Variants in EGFR observed in about 807,000 individuals in gnomAD.
EGFR encodes the protein avian erythroblastic leukemia viral (v-erb-b) oncogene homolog.
In EGFR, 58 loss-of-function variants were observed where a neutral mutation model predicts 143.0. The ratio of observed to expected loss-of-function variants is 0.41; its 90% CI spans 0.33 to 0.50. EGFR has a LOEUF of 0.50. Among genes scored for constraint, EGFR ranks in the 20% least tolerant of loss-of-function variants. The pLI is 0.39. For missense variants in EGFR, 1,307 were observed against 1,579.0 expected (o/e 0.83, Z 2.92); for synonymous variants, 613 against 594.4 (o/e 1.03, Z -0.45).
chr7:55,085,919 T>A (rs764265605), intron 1 of EGFR, among the ~76,000 whole-genome samples: 2 of 152,202 alleles, frequency 1.3e-5, no homozygotes, highest in Non-Finnish European at 2.9e-5. Flanking sequence ...CTCCTGAGCA[T>A]GCTGCCCCAA....
At position 55,067,999 on chromosome 7, in the gene EGFR, T is replaced by A. The variant is rs1323133639; in HGVS notation, c.88+48634T>A. On this transcript the variant is annotated intron_variant, in intron 1 of 27. Coordinates refer to ENST00000275493, the MANE Select transcript of EGFR (RefSeq NM_005228.5). ...GTGTGTGTGCATGTGTGTATATGTG[T>A]GTCTGTGGGCACAGGTGTGCCTGTG... 3.3e-5 allele frequency among the ~76,000 whole-genome samples: 5 copies of A among 150,962 alleles called. 1 individual carries two copies. The highest frequency in any genetic ancestry group is 1.2e-4 in the African/African-American group (5 of 40,404).
chr7:55,071,595 C>G (rs1259713129), intron 1 of EGFR, among the ~76,000 whole-genome samples: 1 of 152,262 alleles, frequency 6.6e-6, no homozygotes, highest in South Asian at 2.1e-4. Flanking sequence ...TCATCCCTTT[C>G]AGAGCATGGG....
intron 1 of EGFR, among the ~76,000 whole-genome samples, chr7:55,116,553 A>G (rs765782530): frequency 3.3e-4 from 50 of 152,070 alleles, no homozygotes; most frequent in Non-Finnish European, 6.2e-4. Flanking sequence ...ACACACACAC[A>G]CACAAGTCAA....
intron 18 of EGFR, 54 bp downstream of exon 18, chr7:55,174,097 G>A (rs1786484510): frequency 1.2e-6 from 2 of 1,612,124 alleles, no homozygotes; most frequent in Non-Finnish European, 1.7e-6. Context: ...CTCATGGTCT[G>A]GTGGGGAGCC....
chr7:55,137,874 A>G (rs968570911), intron 1 of EGFR, among the ~76,000 whole-genome samples: 3 of 152,206 alleles, frequency 2.0e-5, no homozygotes, highest in Non-Finnish European at 2.9e-5. Flanking sequence ...TAGGGTTTCG[A>G]TCATGACAGG....
At chr7:55,154,485 G>A (rs1785314390) in intron 7 of EGFR, among the ~76,000 whole-genome samples, 1 of 152,360 alleles carries the variant, frequency 6.6e-6, no homozygotes, top group East Asian at 1.9e-4. Flanking sequence ...TCAGTTGTCT[G>A]CTGGGCACAA....
chr7:55,199,824 C>G (rs1194434766), intron 23 of EGFR, among the ~76,000 whole-genome samples: 1 of 152,234 alleles, frequency 6.6e-6, no homozygotes, highest in African/African-American at 2.4e-5. Context: ...CACTTGCATG[C>G]ATGCCCACTG....
chr7:55,092,164 G>A (rs60169769), intron 1 of EGFR, among the ~76,000 whole-genome samples: 29,061 of 152,048 alleles, frequency 0.19, 3,185 homozygotes, highest in African/African-American at 0.28. Context: ...GCTCAGGACA[G>A]AATGGGGAGG....
chr7:55,171,580 G>A (rs373094545), intron 16 of EGFR, among the ~76,000 whole-genome samples: 1 of 152,196 alleles, frequency 6.6e-6, no homozygotes, highest in East Asian at 1.9e-4. Context: ...CCCATCACAA[G>A]CCTGTGTGTG....
At chr7:55,104,247 G>T (rs577125048) in intron 1 of EGFR, among the ~76,000 whole-genome samples, 1 of 152,350 alleles carries the variant, frequency 6.6e-6, no homozygotes, top group Admixed American at 6.5e-5. Context: ...TCAGTGAGGA[G>T]ACCGAGGCAT....
intron 15 of EGFR, chr7:55,168,591 A>G (rs1786188160): frequency 6.8e-6 from 11 of 1,610,164 alleles, no homozygotes; most frequent in African/African-American, 1.3e-5. Flanking sequence ...TACAATTTCA[A>G]TTTCTCCCTT....
rs749108049 is a variant in EGFR at position 55,077,272 on chromosome 7, C to A, written c.88+57907C>A. Reference sequence around the variant, plus strand: ...TAAACTGAGACATCAGTGTGCCTAGCACAGGGCCTCAAGCACACAGAAAAA... The same window carrying A: ...TAAACTGAGACATCAGTGTGCCTAGAACAGGGCCTCAAGCACACAGAAAAA... On this transcript the variant is annotated intron_variant, in intron 1 of 27. Transcript: ENST00000275493. 2.3e-4 allele frequency among the ~76,000 whole-genome samples: 35 copies of A among 152,114 alleles called. 1 individual carries two copies. The highest frequency in any genetic ancestry group is 4.3e-4 in the Non-Finnish European group (29 of 68,026).
chr7:55,200,803 A>G (rs764551510), intron 24 of EGFR: 2 of 475,914 alleles, frequency 4.2e-6, no homozygotes, highest in Non-Finnish European at 7.7e-6. Context: ...ATCTCCTTCC[A>G]TAACACAGGA....
intron 20 of EGFR, among the ~76,000 whole-genome samples, chr7:55,184,340 T>A (rs1277375022): frequency 6.6e-6 from 1 of 152,212 alleles, no homozygotes; most frequent in Non-Finnish European, 1.5e-5. Flanking sequence ...CCTCATTCCC[T>A]GGCGCAGCAT....
chr7:55,201,074 A>G (rs549701946), intron 24 of EGFR, 114 bp from the exon 25 acceptor site: 2 of 1,332,920 alleles, frequency 1.5e-6, no homozygotes, highest in East Asian at 4.6e-5. Flanking sequence ...TTTCATTATA[A>G]CAAAATTGGC....
chr7:55,201,503 A>T lies in EGFR; in HGVS notation c.3114+148A>T, dbSNP rs951681546. The T allele has an allele frequency of 1.5e-5, 19 of 1,299,158 alleles. No homozygotes were observed. In the African/African-American group the frequency reaches 1.8e-4, roughly 12 times the overall value. The allele number at this position is 1,299,158 out of a possible 1,614,324, so 80.5% of individuals were successfully genotyped here. A position where few individuals can be genotyped will look rare whatever the true frequency, so the allele number is the denominator to read the frequency against. The stretch of plus-strand genomic sequence containing the variant: ...GGTAAAATCAAAATCAAAATAAATT[A>T]AGTGTATTAATTATTTTGTTGCATT... On this transcript the variant is annotated intron_variant, in intron 25 of 27. Transcript: ENST00000275493.
rs1476431328 is a variant in EGFR, at chr7:55,205,427, A to G, written c.3443A>G (p.Asn1148Ser). 3.1e-6 allele frequency: 5 copies of G among 1,614,028 alleles called. No homozygotes were observed. The highest frequency in any genetic ancestry group is 4.2e-6 in the Non-Finnish European group (5 of 1,180,030). The change falls in exon 28 of 28, where the codon AAC becomes AGC. Residue 1148 changes from asparagine to serine, a missense_variant. By Grantham distance (46) the Asn-to-Ser change is conservative (BLOSUM62 1). This residue lies in a region of EGFR where 313 missense variants were observed against 312.3 expected (regional missense o/e 1.00). Transcript: ENST00000275493. The stretch of plus-strand genomic sequence containing the variant: ...AACACTGTCCAGCCCACCTGTGTCA[A>G]CAGCACATTCGACAGCCCTGCCCAC... ...YLNTVQPTCVNSTFDSPAHWA... is the reference protein window; with the variant it reads ...YLNTVQPTCVSSTFDSPAHWA...
Position 55,208,951 on chromosome 7 carries a change from C to G in EGFR, c.*3334C>G, listed in dbSNP as rs1370279674. The stretch of plus-strand genomic sequence containing the variant: ...CAACATTCATCAAAGTTTCTAGAAC[C>G]TCTGGCCTAAAGGAAGGGCCTGGTG... On this transcript the variant is annotated 3_prime_UTR_variant, in exon 28 of 28. Coordinates refer to ENST00000275493, the MANE Select transcript of EGFR (RefSeq NM_005228.5). The G allele has an allele frequency of 2.0e-5, 3 of 152,128 alleles. No homozygotes were observed. Among genetic ancestry groups the G allele is most frequent in the Non-Finnish European group, 4.4e-5 (3 of 68,042 alleles). 9.4% of individuals were successfully genotyped at this position (152,128 alleles called of 1,614,324 possible).
At chr7:55,197,909 T>C (rs1787684911) in intron 22 of EGFR, among the ~76,000 whole-genome samples, 1 of 152,254 alleles carries the variant, frequency 6.6e-6, no homozygotes, top group Non-Finnish European at 1.5e-5. Flanking sequence ...GCCAGTATTT[T>C]GTTGAGGATT....
Sources: allele counts gnomAD v4.1 joint callset (sites outside exome capture counted in the v4.1 genomes callset), GRCh38; gene constraint gnomAD v4.1.1; regional missense constraint gnomAD v4.1.1; transcripts MANE v1.5; gene names NCBI Gene and HGNC (gene_info 2026-07-23, HGNC 2026-07-21).